SETD3: variants seen among roughly 807,000 people sequenced by gnomAD.
The protein encoded by SETD3 is SET domain containing 3, actin N3(tau)-histidine methyltransferase.
Under a neutral mutation model 63.0 loss-of-function variants are expected in SETD3, and 19 were observed. The observed-to-expected ratio is 0.30, with a 90% CI of 0.21 to 0.44. The LOEUF (loss-of-function observed/expected upper bound fraction) is 0.44, where lower values mean the gene tolerates loss of function less well. Among genes scored for constraint, SETD3 ranks in the 20% least tolerant of loss-of-function variants. The pLI is 1.00. For missense variants in SETD3, 587 were observed against 728.5 expected, an observed-to-expected ratio of 0.81 and a Z score of 2.24; for synonymous variants, 286 against 264.1, an observed-to-expected ratio of 1.08 and a Z score of -0.80.
chr14:99,432,766 A>AC (rs1893254010), intron 6 of SETD3, among the ~76,000 whole-genome samples: 1 of 152,036 alleles, frequency 6.6e-6, no homozygotes, highest in South Asian at 2.1e-4. Flanking sequence ...ACCTGCTGAC[A>AC]CTCTGGGACA....
upstream of SETD3, among the ~76,000 whole-genome samples, chr14:99,482,314 C>T (rs903469058): frequency 6.6e-6 from 1 of 152,186 alleles, no homozygotes; most frequent in Non-Finnish European, 1.5e-5. Context: ...AGCACAATGC[C>T]TTGCAGTTGT....
At chr14:99,435,048 C>CTA (rs1304171296) in intron 6 of SETD3, among the ~76,000 whole-genome samples, 2 of 151,944 alleles carry the variant, frequency 1.3e-5, no homozygotes, top group African/African-American at 4.8e-5. Context: ...TTAATACCAG[C>CTA]TATTTTAAAA....
At chr14:99,471,058 C>T (rs562203769) in intron 1 of SETD3, among the ~76,000 whole-genome samples, 66 of 152,308 alleles carry the variant, frequency 4.3e-4, no homozygotes, top group African/African-American at 1.5e-3. Context: ...AACAAGGTCT[C>T]CTCACCACAC....
upstream of SETD3, chr14:99,481,199 G>A (rs2139838878): frequency 2.6e-6 from 1 of 390,542 alleles, no homozygotes; most frequent in Non-Finnish European, 4.5e-6. Context: ...TCGCCCCGAG[G>A]GGCGGGACCG....
chr14:99,457,193 A>T (rs2139769061), intron 6 of SETD3, among the ~76,000 whole-genome samples: 1 of 152,366 alleles, frequency 6.6e-6, no homozygotes, highest in South Asian at 2.1e-4. Flanking sequence ...TAGTTTTTAA[A>T]TTAAGCCAAC....
At chr14:99,403,499 TTAAAAATGAAA>T (rs1891515081) in intron 11 of SETD3, among the ~76,000 whole-genome samples, 1 of 149,524 alleles carries the variant, frequency 6.7e-6, no homozygotes, top group East Asian at 2.0e-4. Flanking sequence ...TTTCTCTCTC[TTAAAAATGAAA>T]CCTCAGGGCC....
In SETD3 at chr14:99,427,065, G is replaced by A. The variant is rs956266063; in HGVS notation, c.676-13131C>T. On this transcript the variant is annotated intron_variant, in intron 6 of 12. Transcript: ENST00000331768. The stretch of plus-strand genomic sequence containing the variant: ...CGTGGGGGGCAGCTGGGGAGCATCC[G>A]GAGCGCCTCCTGTCATGTTCCTATG... Among the ~76,000 whole-genome samples, 15 of 152,290 alleles carry A rather than the reference G, an allele frequency of 9.8e-5. No homozygotes were observed. In the South Asian group the frequency reaches 1.2e-3, roughly 13 times the overall value.
In SETD3 at chr14:99,397,858, C is replaced by T. The variant is rs1209010875; in HGVS notation, c.*821G>A. The T allele has an allele frequency of 6.6e-6, 1 of 152,574 alleles. No homozygotes were observed. The highest frequency in any genetic ancestry group is 1.5e-5 in the Non-Finnish European group (1 of 68,042). 9.5% of individuals were successfully genotyped at this position (152,574 alleles called of 1,614,324 possible). A position where few individuals can be genotyped will look rare whatever the true frequency, so the allele number is the denominator to read the frequency against. On this transcript the variant is annotated 3_prime_UTR_variant, in exon 13 of 13. Transcript: ENST00000331768. ...CAAGGAGCTGCCTCACACTGCACAC[C>T]ACCACGTGAAGCTGTGGGCCGCTGT...
intron 6 of SETD3, 45 bp from the exon 7 acceptor site, chr14:99,413,979 G>A: frequency 1.3e-6 from 2 of 1,540,426 alleles, no homozygotes; most frequent in East Asian, 2.2e-5. Flanking sequence ...AAGAGAAAAA[G>A]GGAAAACAGA....
chr14:99,400,430 C>G (rs1891329143), intron 11 of SETD3, among the ~76,000 whole-genome samples, 171 bp from the exon 12 acceptor site: 1 of 152,180 alleles, frequency 6.6e-6, no homozygotes, highest in African/African-American at 2.4e-5. Context: ...TAGAGCAGAG[C>G]TAAGTTTTGG....
intron 6 of SETD3, among the ~76,000 whole-genome samples, chr14:99,456,062 G>A (rs1595243134): frequency 6.6e-6 from 1 of 152,200 alleles, no homozygotes; most frequent in African/African-American, 2.4e-5. Context: ...AGGCTGAGGT[G>A]GGAGGATTGC....
chr14:99,426,242 G>C (rs775843836), intron 6 of SETD3, among the ~76,000 whole-genome samples: 1 of 152,222 alleles, frequency 6.6e-6, no homozygotes, highest in Non-Finnish European at 1.5e-5. Context: ...ATACCACGTA[G>C]CACTCTGGTT....
chr14:99,458,302 C>T lies in SETD3; in HGVS notation c.652G>A (p.Ala218Thr). Residue 218 changes from alanine to threonine, a missense_variant, in exon 6 of 13, where the codon GCC becomes ACC. Physicochemically the swap from Ala to Thr is moderately conservative, Grantham distance 58. Transcript: ENST00000331768. ...ACCTGGATGACTTTATAGAAGTAGG[C>T]GTACTGTCGAGCTGTGTTTTTATAC... ...SQYKNTARQY[A>T]YFYKVIQTHP... 3 of 1,613,912 alleles carry T rather than the reference C, an allele frequency of 1.9e-6. No individual in the cohort carries two copies. The highest frequency in any genetic ancestry group is 2.5e-6 in the Non-Finnish European group (3 of 1,179,870).
At chr14:99,462,918 C>T (rs1895153206) in intron 3 of SETD3, among the ~76,000 whole-genome samples, 1 of 152,186 alleles carries the variant, frequency 6.6e-6, no homozygotes, top group East Asian at 1.9e-4. Flanking sequence ...ATAATCTTTA[C>T]TTTTTGTGCT....
intron 1 of SETD3, among the ~76,000 whole-genome samples, chr14:99,474,202 G>A (rs1394094888): frequency 2.6e-5 from 4 of 152,316 alleles, no homozygotes; most frequent in Admixed American, 2.6e-4. Flanking sequence ...GCACAGGCCT[G>A]TAATCCCAGC....
chr14:99,481,520 C>G (rs890296456), upstream of SETD3: 4 of 398,536 alleles, frequency 1.0e-5, no homozygotes, highest in African/African-American at 6.2e-5. Flanking sequence ...GCCCACCTCC[C>G]GCGTATCTGG....
chr14:99,468,027 A>G (rs1895490697), intron 1 of SETD3, among the ~76,000 whole-genome samples: 1 of 152,036 alleles, frequency 6.6e-6, no homozygotes, highest in South Asian at 2.1e-4. Flanking sequence ...TACCATCCTC[A>G]TCTTTCAGAT....
chr14:99,419,350 A>G (rs921647313), intron 6 of SETD3, among the ~76,000 whole-genome samples: 1 of 152,246 alleles, frequency 6.6e-6, no homozygotes, highest in African/African-American at 2.4e-5. Flanking sequence ...GAGAAATAAC[A>G]TTGTTCAATA....
chr14:99,409,617 T>C (rs1891868145), intron 8 of SETD3, among the ~76,000 whole-genome samples: 1 of 151,716 alleles, frequency 6.6e-6, no homozygotes, highest in Admixed American at 6.6e-5. Context: ...ACGATATACA[T>C]ACACACACAT....
Sources: gnomAD v4.1 joint callset for allele counts (sites outside exome capture counted in the v4.1 genomes callset) on GRCh38, gnomAD v4.1.1 for gene constraint, MANE v1.5 for transcripts, NCBI Gene and HGNC (gene_info 2026-07-23, HGNC 2026-07-21) for gene names.